Variants in SCMH1 observed in about 807,000 individuals in gnomAD.
The protein encoded by SCMH1 is Scm polycomb group protein homolog 1, also known as polycomb protein SCMH1.
Under a neutral mutation model 70.8 loss-of-function variants are expected in SCMH1, and 37 were observed. That is an observed-to-expected ratio of 0.52 (90% CI 0.40 to 0.69). The LOEUF is 0.69. Ranked by LOEUF, SCMH1 falls within the 30% of genes least tolerant of loss-of-function variation. The pLI is 0.00. For synonymous variants in SCMH1, 292 were observed against 307.4 expected (o/e 0.95, Z 0.52); for missense variants, 607 against 827.3 (o/e 0.73, Z 3.27).
At chr1:41,224,725 T>C (rs1255507768) in intron 1 of SCMH1, among the ~76,000 whole-genome samples, 2 of 152,208 alleles carry the variant, frequency 1.3e-5, no homozygotes, top group East Asian at 3.9e-4. Flanking sequence ...TGATAGTAAA[T>C]AGCACAAGTT....
intron 8 of SCMH1, among the ~76,000 whole-genome samples, chr1:41,096,748 C>T (rs1665182694): frequency 6.6e-6 from 1 of 152,178 alleles, no homozygotes; most frequent in Non-Finnish European, 1.5e-5. Context: ...AACATGACTA[C>T]ACAAAGTGCA....
At chr1:41,082,472 A>G (rs1230102985) in intron 8 of SCMH1, among the ~76,000 whole-genome samples, 2 of 152,202 alleles carry the variant, frequency 1.3e-5, no homozygotes, top group East Asian at 1.9e-4. Flanking sequence ...ACTAAGCTTC[A>G]TAAGTGAAGG....
chr1:41,149,457 G>A (rs750308790), intron 5 of SCMH1, among the ~76,000 whole-genome samples: 1 of 152,092 alleles, frequency 6.6e-6, no homozygotes, highest in Non-Finnish European at 1.5e-5. Context: ...TCTGTATAGA[G>A]TCTGAGTCAG....
intron 2 of SCMH1, 195 bp from the exon 3 acceptor site, chr1:41,161,627 G>A: frequency 2.0e-6 from 1 of 496,542 alleles, no homozygotes; most frequent in Non-Finnish European, 3.3e-6. Context: ...AACAAAAAAA[G>A]GAACACCTAA....
chr1:41,136,520 T>C (rs1487142810), intron 6 of SCMH1, among the ~76,000 whole-genome samples: 1 of 151,678 alleles, frequency 6.6e-6, no homozygotes, highest in Non-Finnish European at 1.5e-5. Context: ...ACTACAGGCA[T>C]GCACCACCGT....
At chr1:41,133,092 G>A (rs1642643289) in intron 6 of SCMH1, among the ~76,000 whole-genome samples, 1 of 152,146 alleles carries the variant, frequency 6.6e-6, no homozygotes, top group African/African-American at 2.4e-5. Context: ...GTCAGTGGTA[G>A]CTTGATGGGG....
chr1:41,045,012 C>A (rs556189887), intron 12 of SCMH1, among the ~76,000 whole-genome samples: 1 of 152,170 alleles, frequency 6.6e-6, no homozygotes, highest in African/African-American at 2.4e-5. Context: ...GATGTGCTAA[C>A]CCCCATTCAT....
At chr1:41,155,893 G>A (rs1209152133) in intron 4 of SCMH1, among the ~76,000 whole-genome samples, 3 of 148,704 alleles carry the variant, frequency 2.0e-5, no homozygotes, top group Non-Finnish European at 4.4e-5. Flanking sequence ...GCTAAGGCAG[G>A]AGAACTGCTT....
At chr1:41,125,122 GTA>G (rs1557553654) in intron 6 of SCMH1, among the ~76,000 whole-genome samples, 1 of 152,042 alleles carries the variant, frequency 6.6e-6, no homozygotes, top group Non-Finnish European at 1.5e-5. Flanking sequence ...CTATTCCTCA[GTA>G]TGTTTTTTTA....
At chr1:41,059,246 C>A (rs1281260424) in intron 10 of SCMH1, among the ~76,000 whole-genome samples, 1 of 152,226 alleles carries the variant, frequency 6.6e-6, no homozygotes, top group African/African-American at 2.4e-5. Context: ...GCCTGGAAAC[C>A]CACAGCACTA....
intron 9 of SCMH1, among the ~76,000 whole-genome samples, chr1:41,073,864 T>G (rs16827876): frequency 0.11 from 16,557 of 151,954 alleles, 1,283 homozygotes; most frequent in East Asian, 0.28. Flanking sequence ...ACAAACAAAC[T>G]AACCCTAGGG....
intron 5 of SCMH1, among the ~76,000 whole-genome samples, chr1:41,147,878 A>C (rs541714580): frequency 6.6e-6 from 1 of 152,214 alleles, no homozygotes; most frequent in South Asian, 2.1e-4. Context: ...TTAAAGCATA[A>C]TTTTTCCAAT....
chr1:41,151,259 T>C (rs985392334), intron 5 of SCMH1, among the ~76,000 whole-genome samples: 3 of 152,144 alleles, frequency 2.0e-5, no homozygotes, highest in Non-Finnish European at 4.4e-5. Context: ...GAGTGCTGAG[T>C]ACAGAGAAAG....
chr1:41,083,052 T>G (rs898552336), intron 8 of SCMH1, among the ~76,000 whole-genome samples: 2 of 152,180 alleles, frequency 1.3e-5, no homozygotes, highest in East Asian at 1.9e-4. Flanking sequence ...GCATTCCCTT[T>G]GAAAACTGGC....
At position 41,190,084 on chromosome 1, in the gene SCMH1, A is replaced by T. The variant is rs150023819; in HGVS notation, c.-117-3834T>A. 3.9e-5 allele frequency among the ~76,000 whole-genome samples: 6 copies of T among 152,364 alleles called. No homozygotes were observed. The East Asian group carries it at 1.2e-3, about 29-fold the overall frequency. On this transcript the variant is annotated intron_variant, in intron 1 of 14. Transcript: ENST00000337495. ...CAATATTTGGAATAAAGACGATGAC[A>T]GTCCTGGATGCTCCATTCTTGCCAG...
chr1:41,100,651 T>A (rs553518077), intron 8 of SCMH1, among the ~76,000 whole-genome samples: 1 of 151,324 alleles, frequency 6.6e-6, no homozygotes, highest in African/African-American at 2.4e-5. Flanking sequence ...CTGCAACCTC[T>A]GCCTCCTGGG....
At chr1:41,155,572 T>A (rs1462876703) in intron 4 of SCMH1, among the ~76,000 whole-genome samples, 1 of 152,038 alleles carries the variant, frequency 6.6e-6, no homozygotes, top group East Asian at 1.9e-4. Flanking sequence ...AGACACCAGA[T>A]TAATTATACA....
intron 9 of SCMH1, among the ~76,000 whole-genome samples, chr1:41,072,384 G>A (rs1331141837): frequency 1.3e-5 from 2 of 152,194 alleles, no homozygotes; most frequent in African/African-American, 2.4e-5. Context: ...ATAGGTACAT[G>A]TACAATATTA....
At chr1:41,226,509 G>A (rs1660299220) in intron 1 of SCMH1, among the ~76,000 whole-genome samples, 1 of 152,112 alleles carries the variant, frequency 6.6e-6, no homozygotes, top group Non-Finnish European at 1.5e-5. Flanking sequence ...CACAGAAAAA[G>A]GCGAAAGTAG....
Sources: gnomAD v4.1 joint callset for allele counts (sites outside exome capture counted in the v4.1 genomes callset) on GRCh38, gnomAD v4.1.1 for gene constraint, MANE v1.5 for transcripts, NCBI Gene and HGNC (gene_info 2026-07-23, HGNC 2026-07-21) for gene names.